Variants in GRIN2A observed in about 807,000 individuals in gnomAD.
The protein encoded by GRIN2A is glutamate receptor ionotropic, NMDA 2A.
In GRIN2A, 22 loss-of-function variants were observed where a neutral mutation model predicts 113.4. The ratio of observed to expected loss-of-function variants is 0.19; its 90% CI spans 0.14 to 0.28. The LOEUF (loss-of-function observed/expected upper bound fraction) is 0.28. GRIN2A is among the 10% of genes least tolerant of loss of function. The pLI, the probability that GRIN2A is intolerant of heterozygous loss-of-function variation, is 1.00. For missense variants in GRIN2A, 1,502 were observed against 1,887.0 expected (o/e 0.80, Z 3.78); for synonymous variants, 827 against 738.4 (o/e 1.12, Z -1.94).
intron 4 of GRIN2A, among the ~76,000 whole-genome samples, chr16:9,885,835 T>G (rs992024879): frequency 6.6e-6 from 1 of 152,172 alleles, no homozygotes; most frequent in African/African-American, 2.4e-5. Context: ...ATCCCCTGAG[T>G]GCCAAGAGGA....
intron 2 of GRIN2A, among the ~76,000 whole-genome samples, chr16:10,108,876 C>T (rs1242836597): frequency 6.6e-6 from 1 of 151,914 alleles, no homozygotes; most frequent in East Asian, 1.9e-4. Flanking sequence ...AACAAATAAT[C>T]AGAGGAGAAG....
intron 2 of GRIN2A, among the ~76,000 whole-genome samples, chr16:9,951,965 C>A (rs1395011618): frequency 6.6e-6 from 1 of 152,158 alleles, no homozygotes; most frequent in Non-Finnish European, 1.5e-5. Flanking sequence ...GAAGCCCTGA[C>A]ACTCACTGCC....
chr16:10,126,171 A>ATAT (rs1555484756), intron 2 of GRIN2A, among the ~76,000 whole-genome samples: 24 of 150,258 alleles, frequency 1.6e-4, no homozygotes, highest in South Asian at 8.4e-4. Flanking sequence ...ATATATATAT[A>ATAT]TTTTTTTTTG....
chr16:9,763,187 C>A lies in GRIN2A; in HGVS notation c.4357G>T (p.Val1453Leu), dbSNP rs201707833. ...TCGATACTAGGCATTTTCTTGTACA[C>A]GCGTCTATTGCTGCAGGAATTTAAA... ...RVLNSCSNRR[V>L]YKKMPSIESD... The change falls in exon 13 of 13, where the codon GTG becomes TTG. Residue 1453 changes from valine to leucine, a missense_variant. Transcript: ENST00000330684. 12 of 1,613,806 alleles carry A rather than the reference C, an allele frequency of 7.4e-6. No individual in the cohort carries two copies. In the East Asian group the frequency reaches 2.5e-4, roughly 33 times the overall value.
intron 10 of GRIN2A, among the ~76,000 whole-genome samples, chr16:9,803,554 T>G (rs1038779935): frequency 6.6e-6 from 1 of 152,236 alleles, no homozygotes; most frequent in Non-Finnish European, 1.5e-5. Flanking sequence ...ATAAATGCAT[T>G]CAATCAAATT....
chr16:10,113,822 A>G (rs958618444), intron 2 of GRIN2A, among the ~76,000 whole-genome samples: 1 of 152,216 alleles, frequency 6.6e-6, no homozygotes, highest in Admixed American at 6.5e-5. Context: ...TATTGAGTTG[A>G]AAATAAAATA....
At chr16:10,125,816 G>C (rs958397873) in intron 2 of GRIN2A, among the ~76,000 whole-genome samples, 13 of 151,936 alleles carry the variant, frequency 8.6e-5, no homozygotes, top group Non-Finnish European at 1.8e-4. Flanking sequence ...GAGAGCTGGG[G>C]GTAAAGGCTG....
intron 3 of GRIN2A, among the ~76,000 whole-genome samples, chr16:9,922,659 G>C (rs1244377325): frequency 3.3e-5 from 5 of 152,206 alleles, no homozygotes; most frequent in Admixed American, 3.3e-4. Flanking sequence ...TGGACCGCAT[G>C]CCTGAGTGAA....
rs376754309 is a variant in GRIN2A at position 10,120,734 on chromosome 16, C to T, written c.414+59264G>A. Among the ~76,000 whole-genome samples the T allele has an allele frequency of 1.8e-4, 27 of 152,172 alleles. No homozygotes were observed. In the East Asian group the frequency reaches 4.8e-3, roughly 27 times the overall value. On this transcript the variant is annotated intron_variant, in intron 2 of 12. Transcript: ENST00000330684. ...GTTTCCTTTCTTATATTAGGTCTTC[C>T]GCATGGTCAAGGAAAGAGACCCACT...
intron 2 of GRIN2A, among the ~76,000 whole-genome samples, chr16:10,156,422 C>T (rs1411422279): frequency 6.6e-6 from 1 of 152,220 alleles, no homozygotes; most frequent in African/African-American, 2.4e-5. Flanking sequence ...GTATGTTTGA[C>T]AGAGGCAGTG....
intron 5 of GRIN2A, among the ~76,000 whole-genome samples, chr16:9,846,994 C>T (rs1447194579): frequency 1.3e-5 from 2 of 152,178 alleles, no homozygotes; most frequent in Non-Finnish European, 2.9e-5. Context: ...ACAATGCCAG[C>T]TCTTTCTTCA....
intron 2 of GRIN2A, among the ~76,000 whole-genome samples, chr16:10,173,574 C>A (rs1315185190): frequency 1.3e-5 from 2 of 152,216 alleles, no homozygotes; most frequent in Non-Finnish European, 2.9e-5. Context: ...GAAGCTCCAA[C>A]AAGCTGGCAT....
chr16:9,890,980 G>A lies in GRIN2A; in HGVS notation c.1122+6C>T, dbSNP rs1038093283. ...CCCTGCATTCAGCACACAGAAGGAT[G>A]CTCACCTTTTCCCATTCCCGGTCTT... On this transcript the variant is annotated splice_donor_region_variant and intron_variant, in intron 4 of 12. Coordinates refer to ENST00000330684, the MANE Select transcript of GRIN2A (RefSeq NM_001134407.3). The A allele has an allele frequency of 3.2e-6, 5 of 1,554,890 alleles. No individual in the cohort carries two copies. In the African/African-American group the frequency reaches 5.4e-5, roughly 17 times the overall value.
chr16:9,793,420 A>G (rs1902746153), intron 11 of GRIN2A, among the ~76,000 whole-genome samples: 1 of 152,108 alleles, frequency 6.6e-6, no homozygotes, highest in South Asian at 2.1e-4. Flanking sequence ...AATGCATGAG[A>G]TAGATGGGAC....
chr16:9,850,298 G>C (rs923421076), intron 4 of GRIN2A, among the ~76,000 whole-genome samples: 1 of 152,168 alleles, frequency 6.6e-6, no homozygotes, highest in Non-Finnish European at 1.5e-5. Flanking sequence ...TAGACTTTTA[G>C]AATCAGAGAG....
chr16:9,856,647 T>A (rs369138512), intron 4 of GRIN2A, among the ~76,000 whole-genome samples: 2 of 150,836 alleles, frequency 1.3e-5, no homozygotes, highest in African/African-American at 4.9e-5. Context: ...AAAAAAAGAT[T>A]ACATGAGATG....
intron 2 of GRIN2A, among the ~76,000 whole-genome samples, chr16:9,974,221 C>G (rs115649768): frequency 6.6e-6 from 1 of 152,038 alleles, no homozygotes; most frequent in Non-Finnish European, 1.5e-5. Flanking sequence ...GAAAGAGAAG[C>G]GAAACTAAAG....
At chr16:10,062,011 C>T (rs72772389) in intron 2 of GRIN2A, among the ~76,000 whole-genome samples, 13,851 of 152,184 alleles carry the variant, frequency 0.091, 717 homozygotes, top group Non-Finnish European at 0.11. Flanking sequence ...TTGCTCAGTG[C>T]CTCCATTACA....
chr16:9,781,306 A>G (rs1220837070), intron 11 of GRIN2A, among the ~76,000 whole-genome samples: 1 of 152,242 alleles, frequency 6.6e-6, no homozygotes, highest in East Asian at 1.9e-4. Flanking sequence ...TAATGCTGCT[A>G]GATAGTGGTA....
Sources: allele counts gnomAD v4.1 joint callset (sites outside exome capture counted in the v4.1 genomes callset), GRCh38; gene constraint gnomAD v4.1.1; transcripts MANE v1.5; gene names NCBI Gene and HGNC (gene_info 2026-07-23, HGNC 2026-07-21).